Variants in MYO3A observed in about 807,000 individuals in gnomAD.
The protein encoded by MYO3A is myosin IIIA.
In MYO3A, 180 loss-of-function variants were observed where a neutral mutation model predicts 192.7. The ratio of observed to expected loss-of-function variants is 0.93; its 90% confidence interval spans 0.83 to 1.06. The LOEUF is 1.06. MYO3A is among the 50% of genes least tolerant of loss of function. The pLI, the probability that MYO3A is intolerant of heterozygous loss-of-function variation, is 0.00. For synonymous variants in MYO3A, 628 were observed against 645.3 expected (o/e 0.97, Z 0.41); for missense variants, 1,896 against 1,905.0 (o/e 1.00, Z 0.09).
intron 31 of MYO3A, among the ~76,000 whole-genome samples, chr10:26,178,279 G>T (rs1842427781): frequency 6.6e-6 from 1 of 152,310 alleles, no homozygotes; most frequent in African/African-American, 2.4e-5. Context: ...ACAAATGGGA[G>T]GCAGCGTCCT....
At chr10:26,124,973 C>G (rs1839125696) in intron 18 of MYO3A, among the ~76,000 whole-genome samples, 1 of 152,148 alleles carries the variant, frequency 6.6e-6, no homozygotes, top group Non-Finnish European at 1.5e-5. Flanking sequence ...AGGTATACCC[C>G]TGAAGTCTAA....
At chr10:25,940,739 G>A (rs547964703) in intron 2 of MYO3A, among the ~76,000 whole-genome samples, 2 of 152,006 alleles carry the variant, frequency 1.3e-5, no homozygotes, top group Non-Finnish European at 2.9e-5. Context: ...TTCTTTCAGT[G>A]TTTTGAATAT....
intron 14 of MYO3A, among the ~76,000 whole-genome samples, chr10:26,074,989 GA>G (rs1308153917): frequency 6.6e-6 from 1 of 152,034 alleles, no homozygotes; most frequent in East Asian, 1.9e-4. Context: ...ACCATTTATT[GA>G]AAAACTATCC....
At chr10:26,181,684 A>G (rs922489441) in intron 31 of MYO3A, among the ~76,000 whole-genome samples, 2 of 152,068 alleles carry the variant, frequency 1.3e-5, no homozygotes, top group Admixed American at 1.3e-4. Flanking sequence ...ATATTTTAAC[A>G]GTAATAACAA....
chr10:26,101,523 A>T (rs1837450319), intron 17 of MYO3A, among the ~76,000 whole-genome samples: 1 of 152,098 alleles, frequency 6.6e-6, no homozygotes, highest in Non-Finnish European at 1.5e-5. Flanking sequence ...ATGTTTTTGC[A>T]GTGGCTGGTA....
chr10:26,145,245 C>T (rs2131855978), intron 21 of MYO3A, among the ~76,000 whole-genome samples: 1 of 151,182 alleles, frequency 6.6e-6, no homozygotes, highest in Non-Finnish European at 1.5e-5. Flanking sequence ...GACTGATGCC[C>T]TAAATCGTAA....
intron 14 of MYO3A, among the ~76,000 whole-genome samples, chr10:26,084,129 AC>A (rs1190757884): frequency 6.6e-6 from 1 of 152,196 alleles, no homozygotes; most frequent in Non-Finnish European, 1.5e-5. Context: ...TACAGCTTCC[AC>A]TTTTAAAATT....
chr10:26,136,797 T>C (rs892901932), intron 20 of MYO3A, among the ~76,000 whole-genome samples: 5 of 152,236 alleles, frequency 3.3e-5, no homozygotes, highest in Middle Eastern at 3.4e-3. Context: ...GTCAGCAGGA[T>C]CACTTGAGGC....
chr10:26,173,936 C>T lies in MYO3A; in HGVS notation c.3672C>T (p.Asn1224=), dbSNP rs1388648258. The T allele has an allele frequency of 3.1e-6, 5 of 1,611,160 alleles. No homozygotes were observed. The South Asian group carries it at 3.3e-5, about 11-fold the overall frequency. Residue 1224 remains asparagine (N), a synonymous_variant, in exon 30 of 35, where the codon AAC becomes AAT. Transcript: ENST00000642920. ...AGTCTGTCAAAGACCTGGAAGAGAA[C>T]AGCAATCTAAGGAAAGTGGAGAAAG... ...KQKSVKDLEE[N]SNLRKVEKEE... is the part of the protein sequence containing the mutation.
intron 10 of MYO3A, among the ~76,000 whole-genome samples, chr10:26,060,937 AT>A (rs200468971): frequency 0.47 from 71,037 of 150,456 alleles, 17,555 homozygotes; most frequent in Middle Eastern, 0.58. Context: ...ATTTTATTTT[AT>A]TTTTTTTTGA....
At chr10:26,008,636 A>G (rs1341928569) in intron 6 of MYO3A, among the ~76,000 whole-genome samples, 1 of 151,814 alleles carries the variant, frequency 6.6e-6, no homozygotes, top group South Asian at 2.1e-4. Flanking sequence ...AATGCTCACC[A>G]TCACTGGCTA....
intron 4 of MYO3A, among the ~76,000 whole-genome samples, chr10:25,977,361 C>A (rs371904146): frequency 2.0e-5 from 3 of 152,040 alleles, no homozygotes; most frequent in African/African-American, 7.2e-5. Flanking sequence ...AAATAAATTC[C>A]TTGTATGAAA....
At chr10:25,948,146 A>T (rs1366203689) in intron 2 of MYO3A, among the ~76,000 whole-genome samples, 1 of 152,194 alleles carries the variant, frequency 6.6e-6, no homozygotes, top group East Asian at 1.9e-4. Flanking sequence ...GAGAAAGAGC[A>T]TTCTAGGCAG....
intron 20 of MYO3A, among the ~76,000 whole-genome samples, chr10:26,132,167 TTTTG>T (rs1458600753): frequency 3.3e-5 from 5 of 152,176 alleles, no homozygotes; most frequent in Non-Finnish European, 7.3e-5. Flanking sequence ...AAGGTTTTGG[TTTTG>T]TTTGTTTGTT....
intron 10 of MYO3A, among the ~76,000 whole-genome samples, chr10:26,039,567 A>C (rs1184414729): frequency 1.3e-5 from 2 of 151,822 alleles, no homozygotes; most frequent in Non-Finnish European, 2.9e-5. Context: ...TCATTACTTC[A>C]TATTGGTCTG....
At chr10:25,955,241 C>G (rs1486194050) in intron 4 of MYO3A, among the ~76,000 whole-genome samples, 1 of 151,902 alleles carries the variant, frequency 6.6e-6, no homozygotes, top group Non-Finnish European at 1.5e-5. Context: ...AATAAAAGAC[C>G]AAATAAACTG....
At position 25,954,943 on chromosome 10, in the gene MYO3A, A is replaced by G; in HGVS notation, c.238A>G (p.Arg80Gly). 1 of 1,612,748 alleles carries G rather than the reference A, an allele frequency of 6.2e-7. No individual in the cohort carries two copies. Among genetic ancestry groups the G allele is most frequent in the Non-Finnish European group, 8.5e-7 (1 of 1,178,994 alleles). ...ACTTTCTGACCACCCTAATGTGGTC[A>G]GATTCTATGGGATATACTTTAAGAA... is the stretch of plus-strand genomic sequence containing the variant. ...KALSDHPNVVRFYGIYFKKDK... is the reference protein window; with the variant it reads ...KALSDHPNVVGFYGIYFKKDK... Residue 80 changes from arginine (R) to glycine (G), a missense_variant, in exon 4 of 35, where the codon AGA becomes GGA. Coordinates refer to ENST00000642920, the MANE Select transcript of MYO3A (RefSeq NM_017433.5).
At chr10:26,013,782 A>G (rs1053817217) in intron 6 of MYO3A, among the ~76,000 whole-genome samples, 2 of 152,142 alleles carry the variant, frequency 1.3e-5, no homozygotes, top group African/African-American at 4.8e-5. Flanking sequence ...ATATCTACCC[A>G]AAGGAAAAGA....
rs1841898470 is a variant in MYO3A, at chr10:26,168,807, C to T, written c.3207C>T (p.Phe1069=). The part of the protein sequence containing the change: ...LILIQACVRA[F]LCSRRYQKIQ... ...TGATTCAAGCTTGTGTCAGAGCATTCTTGTGTTCAAGAAGATACCAAAAAA... is the reference window on the plus strand; with the variant it reads ...TGATTCAAGCTTGTGTCAGAGCATTTTTGTGTTCAAGAAGATACCAAAAAA... Residue 1069 remains phenylalanine (F), a synonymous_variant, in exon 28 of 35, where the codon TTC becomes TTT. Transcript: ENST00000642920. The T allele has an allele frequency of 6.2e-7, 1 of 1,612,980 alleles. No homozygotes were observed. Among genetic ancestry groups the T allele is most frequent in the African/African-American group, 1.3e-5 (1 of 74,874 alleles).
Sources: allele counts gnomAD v4.1 joint callset (sites outside exome capture counted in the v4.1 genomes callset), GRCh38; gene constraint gnomAD v4.1.1; transcripts MANE v1.5; gene names NCBI Gene and HGNC (gene_info 2026-07-23, HGNC 2026-07-21).